TMPRSS4: variants seen among roughly 807,000 people sequenced by gnomAD.
TMPRSS4 encodes transmembrane serine protease 4.
Under a neutral mutation model 56.4 loss-of-function variants are expected in TMPRSS4, and 45 were observed. That is an observed-to-expected ratio of 0.80 (90% CI 0.63 to 1.02). TMPRSS4 has a LOEUF of 1.02. TMPRSS4 is among the 50% of genes least tolerant of loss of function. The probability of loss-of-function intolerance (pLI) is 0.00; values close to 1 mark genes in which losing one functional copy is unlikely to be tolerated. For missense variants in TMPRSS4, 546 were observed against 556.7 expected (o/e 0.98, Z 0.19); for synonymous variants, 205 against 211.0 (o/e 0.97, Z 0.25).
intron 3 of TMPRSS4, among the ~76,000 whole-genome samples, chr11:118,100,398 C>G (rs933444236): frequency 1.3e-5 from 2 of 152,238 alleles, no homozygotes; most frequent in Non-Finnish European, 2.9e-5. Context: ...TAGCAGCCAA[C>G]TGCCTGGTTA....
intron 1 of TMPRSS4, among the ~76,000 whole-genome samples, chr11:118,081,321 T>G (rs1198671585): frequency 6.6e-6 from 1 of 152,000 alleles, no homozygotes; most frequent in Admixed American, 6.6e-5. Flanking sequence ...GAAACCCTGG[T>G]GATAGGGAAG....
intron 8 of TMPRSS4, 137 bp downstream of exon 8, chr11:118,112,037 T>A: frequency 1.6e-6 from 2 of 1,242,674 alleles, no homozygotes; most frequent in Non-Finnish European, 2.2e-6. Context: ...GTGGCCCCAA[T>A]GAGACAATGG....
intron 2 of TMPRSS4, among the ~76,000 whole-genome samples, chr11:118,097,008 GAAA>G (rs1352163692): frequency 1.1e-4 from 12 of 108,940 alleles, no homozygotes; most frequent in African/African-American, 4.6e-4. Flanking sequence ...AAGAAAGAAA[GAAA>G]GAAAGAAAGA....
Position 118,096,920 on chromosome 11 carries a change from AAAG to A in TMPRSS4, c.44-2064_44-2062del, listed in dbSNP as rs777925249. Among the ~76,000 whole-genome samples, 75 of 48,940 alleles carry A rather than the reference AAAG, an allele frequency of 1.5e-3. 1 individual carries two copies. The highest frequency in any genetic ancestry group is 2.3e-3 in the African/African-American group (35 of 14,970). 32.1% of individuals were successfully genotyped at this position (48,940 alleles called of 152,430 possible). On this transcript the variant is annotated intron_variant, in intron 2 of 12. Transcript: ENST00000437212. The stretch of plus-strand genomic sequence containing the variant: ...GAAAGAAAGAAAGAAAGGGAGAGAG[AAAG>A]GAAAGAAAGAAAGAGAAAGAAAGAA...
chr11:118,088,533 C>A (rs1403075986), intron 1 of TMPRSS4, among the ~76,000 whole-genome samples: 2 of 152,238 alleles, frequency 1.3e-5, no homozygotes, highest in African/African-American at 4.8e-5. Context: ...GGGGCCTGGG[C>A]ATTCTTGCCC....
chr11:118,108,436 C>T (rs17121717), intron 6 of TMPRSS4: 8,808 of 176,298 alleles, frequency 0.05, 588 homozygotes, highest in African/African-American at 0.15. Context: ...TGCTGAGGGC[C>T]GCTTATTCAC....
chr11:118,080,178 G>A (rs1673384083), intron 1 of TMPRSS4, among the ~76,000 whole-genome samples: 2 of 152,172 alleles, frequency 1.3e-5, no homozygotes, highest in African/African-American at 2.4e-5. Flanking sequence ...AGGTACCCCT[G>A]GAGCTGAAAA....
chr11:118,097,508 C>A (rs944742477), intron 2 of TMPRSS4, among the ~76,000 whole-genome samples: 1 of 152,246 alleles, frequency 6.6e-6, no homozygotes, highest in East Asian at 1.9e-4. Context: ...CCCCATCTCC[C>A]CCAGGGCAGA....
rs888707640 is a variant in TMPRSS4, at chr11:118,104,537, AT to A, written c.311-153del. On this transcript the variant is annotated intron_variant, in intron 4 of 12. Coordinates refer to ENST00000437212, the MANE Select transcript of TMPRSS4 (RefSeq NM_019894.4). The stretch of plus-strand genomic sequence containing the variant: ...ATGGGGCCCAAATAGACAAAGCCAA[AT>A]GGAAGAAATTCCCTTGACATTGAAA... 2.6e-5 allele frequency among the ~76,000 whole-genome samples: 4 copies of A among 152,206 alleles called. No homozygotes were observed. The East Asian group carries it at 7.7e-4, about 29-fold the overall frequency.
At chr11:118,086,078 A>G (rs983387047) in intron 1 of TMPRSS4, among the ~76,000 whole-genome samples, 2 of 152,270 alleles carry the variant, frequency 1.3e-5, no homozygotes, top group Non-Finnish European at 2.9e-5. Flanking sequence ...CCCAAGGGGC[A>G]TGTACAAATA....
In TMPRSS4 at chr11:118,098,999, C is replaced by T. The variant is rs149423953; in HGVS notation, c.58C>T (p.Arg20Cys). The T allele has an allele frequency of 8.1e-5, 131 of 1,613,302 alleles. No homozygotes were observed. In the African/African-American group the frequency reaches 1.1e-3, roughly 14 times the overall value. Residue 20 changes from arginine to cysteine, a missense_variant, in exon 3 of 13, where the codon CGC (arginine) becomes TGC (cysteine). Coordinates refer to ENST00000437212, the MANE Select transcript of TMPRSS4 (RefSeq NM_019894.4). Reference sequence around the variant, plus strand: ...TTTTCTTGCAGATGTCAAACCCCTGCGCAAACCCCGTATCCCCATGGAGAC... The same window carrying T: ...TTTTCTTGCAGATGTCAAACCCCTGTGCAAACCCCGTATCCCCATGGAGAC... Reference protein sequence around the residue: ...PLNSLDVKPLRKPRIPMETFR... With the variant: ...PLNSLDVKPLCKPRIPMETFR...
At chr11:118,082,497 G>A (rs1372587119) in intron 1 of TMPRSS4, among the ~76,000 whole-genome samples, 1 of 151,524 alleles carries the variant, frequency 6.6e-6, no homozygotes, top group South Asian at 2.1e-4. Flanking sequence ...GGAGGCAGAG[G>A]TTGCAGTAAG....
downstream of TMPRSS4, chr11:118,121,959 A>T (rs1947804378): frequency 1.3e-5 from 2 of 152,214 alleles, no homozygotes; most frequent in Admixed American, 6.5e-5. Context: ...TGTTACATAA[A>T]ATGTTTGTAC....
rs1181251450 is a variant in TMPRSS4, at chr11:118,117,369, G to A, written c.1217G>A (p.Trp406Ter). The change falls in exon 12 of 13, where the codon TGG becomes TAG. Residue 406 changes from tryptophan to a stop codon, truncating the protein, a stop_gained. Coordinates refer to ENST00000437212, the MANE Select transcript of TMPRSS4 (RefSeq NM_019894.4). LOFTEE classifies it high-confidence loss of function. ...TGGCATGTGGTGGGCATCGTTAGTTGGGGCTATGGCTGCGGGGGCCCGAGC... is the reference window on the plus strand; with the variant it reads ...TGGCATGTGGTGGGCATCGTTAGTTAGGGCTATGGCTGCGGGGGCCCGAGC... ...DQWHVVGIVSWGYGCGGPSTP... is the reference protein window; with the variant it reads ...DQWHVVGIVS The A allele has an allele frequency of 5.6e-6, 9 of 1,613,932 alleles. No homozygotes were observed. Among genetic ancestry groups the A allele is most frequent in the East Asian group, 2.2e-5 (1 of 44,894 alleles).
At chr11:118,087,284 T>C (rs940910092) in intron 1 of TMPRSS4, among the ~76,000 whole-genome samples, 7 of 152,284 alleles carry the variant, frequency 4.6e-5, no homozygotes, top group East Asian at 1.9e-4. Flanking sequence ...CAAGTCAGCA[T>C]TGCAGAGAGG....
intron 7 of TMPRSS4, among the ~76,000 whole-genome samples, chr11:118,109,646 A>C (rs777202095): frequency 9.2e-5 from 14 of 152,216 alleles, no homozygotes; most frequent in Non-Finnish European, 1.5e-4. Flanking sequence ...AGGAGATCAG[A>C]AAAGAAAACA....
At chr11:118,094,951 C>A in intron 2 of TMPRSS4, 96 bp downstream of exon 2, 1 of 1,306,024 alleles carries the variant, frequency 7.7e-7, no homozygotes, top group South Asian at 1.3e-5. Flanking sequence ...CTCACCACCA[C>A]CACCAAAGTG....
chr11:118,087,992 CT>C (rs1162389398), intron 1 of TMPRSS4, among the ~76,000 whole-genome samples: 2 of 151,164 alleles, frequency 1.3e-5, no homozygotes, highest in African/African-American at 4.9e-5. Flanking sequence ...GTCACTCTAC[CT>C]TCACACCGAG....
At chr11:118,098,897 C>A in intron 2 of TMPRSS4, 88 bp from the exon 3 acceptor site, 1 of 1,044,146 alleles carries the variant, frequency 9.6e-7, no homozygotes, top group Non-Finnish European at 1.5e-6. Context: ...CTGTCACCGG[C>A]CAGAAGGCAG....
Sources: gnomAD v4.1 joint callset for allele counts (sites outside exome capture counted in the v4.1 genomes callset) on GRCh38, gnomAD v4.1.1 for gene constraint, MANE v1.5 for transcripts, NCBI Gene and HGNC (gene_info 2026-07-23, HGNC 2026-07-21) for gene names.